Variants in ATL1 observed in about 807,000 individuals in gnomAD.
ATL1 encodes the protein atlastin GTPase 1.
Under a neutral mutation model 75.5 loss-of-function variants are expected in ATL1, and 31 were observed. That is an observed-to-expected ratio of 0.41 (90% CI 0.31 to 0.55). The LOEUF (loss-of-function observed/expected upper bound fraction) is 0.55. ATL1 is among the 20% of genes least tolerant of loss of function. The pLI is 0.27. For missense variants in ATL1, 405 were observed against 662.6 expected (o/e 0.61, Z 4.27); for synonymous variants, 226 against 233.3 (o/e 0.97, Z 0.28).
chr14:50,587,138 C>T (rs2039109322), intron 1 of ATL1, among the ~76,000 whole-genome samples: 1 of 152,128 alleles, frequency 6.6e-6, no homozygotes. Context: ...AAAAGTATTG[C>T]AAGGATCCTT....
chr14:50,551,315 G>A (rs1272034734), intron 1 of ATL1, among the ~76,000 whole-genome samples: 1 of 148,774 alleles, frequency 6.7e-6, no homozygotes, highest in Admixed American at 6.8e-5. Flanking sequence ...CAACCCTCCT[G>A]ATTAAATCAG....
chr14:50,545,265 C>T (rs141288282), intron 1 of ATL1, among the ~76,000 whole-genome samples: 1 of 152,356 alleles, frequency 6.6e-6, no homozygotes, highest in Non-Finnish European at 1.5e-5. Context: ...TCCTAATAAA[C>T]TCATCTACTT....
chr14:50,541,790 G>C (rs1321401737), intron 1 of ATL1, among the ~76,000 whole-genome samples: 1 of 151,866 alleles, frequency 6.6e-6, no homozygotes. Flanking sequence ...GGAGGCCGAG[G>C]CAGGAGGATC....
chr14:50,585,246 T>C (rs2039090883), intron 1 of ATL1, among the ~76,000 whole-genome samples: 1 of 152,240 alleles, frequency 6.6e-6, no homozygotes, highest in Admixed American at 6.5e-5. Flanking sequence ...AAGTTGAATA[T>C]TTGAAAAACT....
chr14:50,534,524 C>T (rs747256682), intron 1 of ATL1, among the ~76,000 whole-genome samples: 12 of 152,188 alleles, frequency 7.9e-5, no homozygotes, highest in Non-Finnish European at 1.6e-4. Context: ...TCTTGAAATA[C>T]AGCATTTAAA....
Position 50,534,582 on chromosome 14 carries a change from C to G in ATL1, c.-140+1215C>G, listed in dbSNP as rs557626153. 9.2e-5 allele frequency among the ~76,000 whole-genome samples: 14 copies of G among 152,296 alleles called. No homozygotes were observed. The South Asian group carries it at 2.9e-3, about 32-fold the overall frequency. ...TGAGGTCATAGGCTTCAACAAGACC[C>G]TGGAGTGCGGATATTTTATGTTGCC... On this transcript the variant is annotated intron_variant, in intron 1 of 13. Transcript: ENST00000441560.
At chr14:50,607,735 A>G (rs953784990) in intron 6 of ATL1, among the ~76,000 whole-genome samples, 16 of 152,052 alleles carry the variant, frequency 1.1e-4, no homozygotes, top group African/African-American at 3.1e-4. Context: ...GAATAATTTC[A>G]TATATTTATA....
chr14:50,588,218 A>G, intron 2 of ATL1, 140 bp downstream of exon 2: 1 of 1,099,476 alleles, frequency 9.1e-7, no homozygotes, highest in Non-Finnish European at 1.3e-6. Context: ...CTGTGGTGTA[A>G]CCATTCCAAC....
intron 1 of ATL1, among the ~76,000 whole-genome samples, chr14:50,535,890 G>C: frequency 6.6e-6 from 1 of 152,134 alleles, no homozygotes; most frequent in East Asian, 1.9e-4. Context: ...GAATCATGAG[G>C]GCAAGTCTTT....
At chr14:50,554,650 C>T (rs1437600261) in intron 1 of ATL1, among the ~76,000 whole-genome samples, 1 of 152,184 alleles carries the variant, frequency 6.6e-6, no homozygotes, top group Non-Finnish European at 1.5e-5. Flanking sequence ...GAGAACTTAT[C>T]AAGGAAAACA....
intron 6 of ATL1, among the ~76,000 whole-genome samples, chr14:50,603,757 C>T (rs2140217778): frequency 6.6e-6 from 1 of 152,214 alleles, no homozygotes; most frequent in East Asian, 1.9e-4. Context: ...TGCATGACCT[C>T]ACTGAGAAAA....
intron 8 of ATL1, among the ~76,000 whole-genome samples, chr14:50,619,906 T>C (rs183447896): frequency 3.4e-4 from 52 of 152,280 alleles, no homozygotes; most frequent in African/African-American, 1.2e-3. Flanking sequence ...CCAGTAAAAA[T>C]CTGGTCTCTT....
At chr14:50,591,927 A>G in intron 4 of ATL1, 1 of 345,370 alleles carries the variant, frequency 2.9e-6, no homozygotes, top group Non-Finnish European at 5.4e-6. Context: ...AAACTCAGTA[A>G]CATAAATCTT....
At chr14:50,620,342 CAAGCTAACTTATAATATCAAGA>C (rs1409611160) in intron 8 of ATL1, among the ~76,000 whole-genome samples, 1 of 152,124 alleles carries the variant, frequency 6.6e-6, no homozygotes, top group Admixed American at 6.5e-5. Context: ...TAAAATCAAG[CAAGCTAACTTATAATATCAAGA>C]AAGCTAACTT....
intron 1 of ATL1, among the ~76,000 whole-genome samples, chr14:50,577,574 T>C (rs1483661008): frequency 6.6e-6 from 1 of 152,196 alleles, no homozygotes; most frequent in Admixed American, 6.5e-5. Flanking sequence ...GTATATTTAG[T>C]ATATATAATT....
chr14:50,561,642 T>G (rs2038846946), intron 1 of ATL1, among the ~76,000 whole-genome samples: 7 of 152,202 alleles, frequency 4.6e-5, no homozygotes, highest in Admixed American at 4.6e-4. Context: ...GGTTTACATT[T>G]GGGAGATTAT....
At chr14:50,545,008 G>GT (rs1038992021) in intron 1 of ATL1, among the ~76,000 whole-genome samples, 67 of 151,662 alleles carry the variant, frequency 4.4e-4, no homozygotes, top group Middle Eastern at 3.4e-3. Context: ...TTACTGAAGG[G>GT]TGTGTGTCCA....
At chr14:50,573,443 T>C (rs1218985503) in intron 1 of ATL1, among the ~76,000 whole-genome samples, 1 of 152,224 alleles carries the variant, frequency 6.6e-6, no homozygotes, top group Non-Finnish European at 1.5e-5. Flanking sequence ...TAATTTTTGA[T>C]TGATTTAAAT....
At chr14:50,584,533 C>T (rs908103501) in intron 1 of ATL1, among the ~76,000 whole-genome samples, 13 of 152,004 alleles carry the variant, frequency 8.6e-5, no homozygotes, top group Non-Finnish European at 1.8e-4. Flanking sequence ...GAAACCTTGT[C>T]TCTACTAAAA....
Sources: allele counts gnomAD v4.1 joint callset (sites outside exome capture counted in the v4.1 genomes callset), GRCh38; gene constraint gnomAD v4.1.1; transcripts MANE v1.5; gene names NCBI Gene and HGNC (gene_info 2026-07-23, HGNC 2026-07-21).